CDH12: variants seen among roughly 807,000 people sequenced by gnomAD.
CDH12 encodes the protein cadherin-12.
CDH12 carries 41 observed loss-of-function variants against 74.1 expected under a neutral mutation model. The ratio of observed to expected loss-of-function variants is 0.55; its 90% confidence interval spans 0.43 to 0.72. The LOEUF is 0.72. Among genes scored for constraint, CDH12 ranks in the 30% least tolerant of loss-of-function variants. CDH12 has a pLI of 0.00. For synonymous variants in CDH12, 399 were observed against 355.0 expected (o/e 1.12, Z -1.39); for missense variants, 945 against 977.2 (o/e 0.97, Z 0.44).
chr5:22,625,675 G>A (rs140222232), intron 1 of CDH12, among the ~76,000 whole-genome samples: 405 of 152,280 alleles, frequency 2.7e-3, no homozygotes, highest in Non-Finnish European at 3.5e-3. Context: ...GTGGCCCCCT[G>A]TCTGCTGGCC....
chr5:22,211,023 C>A (rs566571274), intron 4 of CDH12, among the ~76,000 whole-genome samples: 251 of 152,314 alleles, frequency 1.6e-3, no homozygotes, highest in Non-Finnish European at 3.0e-3. Flanking sequence ...AAGTACACAT[C>A]AGCCTTTGGG....
At chr5:22,575,251 A>G (rs1739725983) in intron 1 of CDH12, among the ~76,000 whole-genome samples, 1 of 152,140 alleles carries the variant, frequency 6.6e-6, no homozygotes, top group South Asian at 2.1e-4. Flanking sequence ...AATTTGGTAA[A>G]ATAAATATAT....
chr5:22,632,923 C>A (rs942916371), intron 1 of CDH12, among the ~76,000 whole-genome samples: 4 of 150,524 alleles, frequency 2.7e-5, no homozygotes, highest in African/African-American at 9.8e-5. Flanking sequence ...ACCTCAAAAG[C>A]AGAAAAAAAA....
At chr5:22,040,010 A>G (rs1739456691) in intron 5 of CDH12, among the ~76,000 whole-genome samples, 1 of 152,060 alleles carries the variant, frequency 6.6e-6, no homozygotes, top group African/African-American at 2.4e-5. Flanking sequence ...TTAACAGAAA[A>G]GGAATTCAAA....
At chr5:22,649,177 T>G (rs554913708) in intron 1 of CDH12, among the ~76,000 whole-genome samples, 1 of 152,142 alleles carries the variant, frequency 6.6e-6, no homozygotes, top group South Asian at 2.1e-4. Flanking sequence ...ATTATCTGCC[T>G]TTTATTAACT....
At chr5:22,191,926 C>T (rs1404346068) in intron 4 of CDH12, among the ~76,000 whole-genome samples, 3 of 134,594 alleles carry the variant, frequency 2.2e-5, no homozygotes, top group Non-Finnish European at 3.4e-5. Context: ...AAAATTAATA[C>T]TCATGTTTTT....
intron 5 of CDH12, among the ~76,000 whole-genome samples, chr5:22,010,534 A>G (rs1319734986): frequency 6.6e-6 from 1 of 152,170 alleles, no homozygotes; most frequent in Non-Finnish European, 1.5e-5. Context: ...AGAACCAATT[A>G]TATCTTAGCT....
intron 1 of CDH12, among the ~76,000 whole-genome samples, chr5:22,666,751 T>G (rs1270911169): frequency 3.3e-5 from 5 of 152,196 alleles, no homozygotes; most frequent in African/African-American, 4.8e-5. Context: ...ATTGTGTCCA[T>G]AAAAACTACC....
At chr5:22,355,273 A>G (rs531008297) in intron 3 of CDH12, among the ~76,000 whole-genome samples, 1 of 152,128 alleles carries the variant, frequency 6.6e-6, no homozygotes, top group South Asian at 2.1e-4. Context: ...CTGTCATTAT[A>G]TAGTAATAAT....
At chr5:22,580,093 A>G (rs1268348501) in intron 1 of CDH12, 1 of 220,526 alleles carries the variant, frequency 4.5e-6, no homozygotes, top group African/African-American at 2.3e-5. Flanking sequence ...TTCTCTGACA[A>G]GTAGACTTAG....
At chr5:21,886,532 TTATA>T (rs1752640591) in intron 6 of CDH12, among the ~76,000 whole-genome samples, 1 of 146,780 alleles carries the variant, frequency 6.8e-6, no homozygotes, top group African/African-American at 2.5e-5. Flanking sequence ...TATTATTATA[TTATA>T]TATAATATAT....
rs570747318 is a variant in CDH12, at chr5:22,103,156, T to C, written c.-186-24294A>G. ...AAGAAAAACAAAAGCCATACTACCA[T>C]GACAGCTTCTAATCTCGGATCTTGA... On this transcript the variant is annotated intron_variant, in intron 4 of 14. Transcript: ENST00000382254. Among the ~76,000 whole-genome samples, 8 of 152,282 alleles carry C rather than the reference T, an allele frequency of 5.3e-5. 1 individual carries two copies. The South Asian group carries it at 1.7e-3, about 32-fold the overall frequency.
Position 22,422,167 on chromosome 5 carries a change from G to A in CDH12, c.-427-16816C>T, listed in dbSNP as rs192879855. Among the ~76,000 whole-genome samples, 380 of 152,202 alleles carry A rather than the reference G, an allele frequency of 2.5e-3. 4 individuals are homozygous for A. The highest frequency in any genetic ancestry group is 3.3e-3 in the Non-Finnish European group (225 of 67,990). The stretch of plus-strand genomic sequence containing the variant: ...TTTGTCTTATGCCAGTTTTCAAGGG[G>A]AATGCTTCCAGCTTTTGCCTATTCA... On this transcript the variant is annotated intron_variant, in intron 2 of 14. Transcript: ENST00000382254.
chr5:22,185,196 TC>T (rs1561199388), intron 4 of CDH12, among the ~76,000 whole-genome samples: 7 of 109,052 alleles, frequency 6.4e-5, no homozygotes, highest in African/African-American at 2.2e-4. Context: ...TCTCTCTCTC[TC>T]TCTTTTTTTT....
chr5:21,829,661 C>A (rs569738979), intron 8 of CDH12, among the ~76,000 whole-genome samples: 8 of 152,202 alleles, frequency 5.3e-5, no homozygotes, highest in Admixed American at 2.6e-4. Flanking sequence ...GAAATGTAAA[C>A]CATGTGAAAT....
At chr5:22,326,460 C>T (rs946814400) in intron 3 of CDH12, among the ~76,000 whole-genome samples, 2 of 152,174 alleles carry the variant, frequency 1.3e-5, no homozygotes, top group African/African-American at 4.8e-5. Context: ...TGGTCTTGAT[C>T]TCCTGACCTC....
chr5:22,298,383 C>T (rs1343761744), intron 3 of CDH12, among the ~76,000 whole-genome samples: 2 of 151,882 alleles, frequency 1.3e-5, no homozygotes, highest in Admixed American at 6.6e-5. Flanking sequence ...AAATCCTATT[C>T]ATTTAAGTTC....
At chr5:22,482,402 A>T (rs1028885828) in intron 2 of CDH12, among the ~76,000 whole-genome samples, 1 of 152,126 alleles carries the variant, frequency 6.6e-6, no homozygotes, top group African/African-American at 2.4e-5. Flanking sequence ...CAAGAAAAAA[A>T]TCTCCAATTT....
At chr5:22,796,472 T>C (rs185787425) in intron 1 of CDH12, among the ~76,000 whole-genome samples, 355 of 152,100 alleles carry the variant, frequency 2.3e-3, no homozygotes, top group African/African-American at 8.1e-3. Context: ...TGTTGGCCAT[T>C]TATATGTCTT....
Sources: allele counts gnomAD v4.1 joint callset (sites outside exome capture counted in the v4.1 genomes callset), GRCh38; gene constraint gnomAD v4.1.1; transcripts MANE v1.5; gene names NCBI Gene and HGNC (gene_info 2026-07-23, HGNC 2026-07-21).